Variants in EXD1 observed in about 807,000 individuals in gnomAD.
The protein encoded by EXD1 is exonuclease 3'-5' domain containing 1.
EXD1 carries 63 observed loss-of-function variants against 49.1 expected under a neutral mutation model. That is an observed-to-expected ratio of 1.28 (90% CI 1.05 to 1.58). The LOEUF (loss-of-function observed/expected upper bound fraction) is 1.58, where lower values mean the gene tolerates loss of function less well. Among genes scored for constraint, EXD1 ranks in the 40% most tolerant of loss-of-function variants. The pLI, the probability that EXD1 is intolerant of heterozygous loss-of-function variation, is 0.00. For missense variants in EXD1, 748 were observed against 666.0 expected (o/e 1.12, Z -1.36); for synonymous variants, 234 against 239.2 (o/e 0.98, Z 0.20).
chr15:41,186,240 G>A (rs58214159), intron 11 of EXD1, among the ~76,000 whole-genome samples: 39,463 of 151,896 alleles, frequency 0.26, 6,737 homozygotes, highest in African/African-American at 0.48. Flanking sequence ...GGGAGGCTGA[G>A]GTGGGTGGAT....
intron 2 of EXD1, among the ~76,000 whole-genome samples, chr15:41,223,831 C>T (rs575153818): frequency 3.6e-4 from 55 of 151,872 alleles, no homozygotes; most frequent in African/African-American, 1.1e-3. Context: ...CACCACTGCA[C>T]TCCAGCCTGG....
At chr15:41,200,307 G>T (rs967664041) in intron 7 of EXD1, among the ~76,000 whole-genome samples, 2 of 152,126 alleles carry the variant, frequency 1.3e-5, no homozygotes, top group Non-Finnish European at 2.9e-5. Context: ...TGGATCACCT[G>T]AGGTCAGCTG....
rs144370871 is a variant in EXD1, at chr15:41,197,481, G to A, written c.535-1444C>T. Among the ~76,000 whole-genome samples, 422 of 150,652 alleles carry A rather than the reference G, an allele frequency of 2.8e-3. 3 individuals are homozygous for A. Among genetic ancestry groups the A allele is most frequent in the Non-Finnish European group, 3.3e-3 (225 of 67,676 alleles). ...CGATCTCCTGACCTCCACCCATCTC[G>A]GCCTCCCAAAGCGCTGGGATTACAG... On this transcript the variant is annotated intron_variant, in intron 7 of 11. Transcript: ENST00000458580.
intron 6 of EXD1, among the ~76,000 whole-genome samples, chr15:41,212,224 C>T (rs2046931044): frequency 6.6e-6 from 1 of 151,706 alleles, no homozygotes; most frequent in Non-Finnish European, 1.5e-5. Flanking sequence ...CTGAGGCGGG[C>T]AGATCACGAG....
intron 11 of EXD1, among the ~76,000 whole-genome samples, chr15:41,188,015 C>T (rs1429163348): frequency 1.9e-4 from 21 of 111,650 alleles, no homozygotes; most frequent in East Asian, 8.3e-4. Flanking sequence ...AACCCCGTCT[C>T]AAAAAAAAAA....
intron 11 of EXD1, among the ~76,000 whole-genome samples, chr15:41,185,094 T>A (rs1029485739): frequency 6.6e-6 from 1 of 152,184 alleles, no homozygotes; most frequent in Non-Finnish European, 1.5e-5. Context: ...AGGCAGTGAA[T>A]CCATAGGGCT....
intron 3 of EXD1, among the ~76,000 whole-genome samples, chr15:41,218,921 T>C (rs2047045742): frequency 6.6e-6 from 1 of 152,182 alleles, no homozygotes; most frequent in Admixed American, 6.6e-5. Flanking sequence ...AAGCAATCTT[T>C]CAAGCAGTAG....
chr15:41,230,233 G>A (rs751213195), intron 1 of EXD1, among the ~76,000 whole-genome samples: 3 of 151,682 alleles, frequency 2.0e-5, no homozygotes, highest in African/African-American at 2.4e-5. Context: ...ACAGGCACGC[G>A]GCACCACACC....
At chr15:41,193,170 G>C (rs1426029686) in intron 9 of EXD1, among the ~76,000 whole-genome samples, 4 of 151,878 alleles carry the variant, frequency 2.6e-5, no homozygotes, top group Non-Finnish European at 5.9e-5. Context: ...CTCCTGTCTC[G>C]GCCTCCCAAA....
intron 9 of EXD1, among the ~76,000 whole-genome samples, chr15:41,194,024 T>A: frequency 6.8e-6 from 1 of 146,272 alleles, no homozygotes; most frequent in African/African-American, 2.5e-5. Context: ...TTTTTTTTTT[T>A]TTGGTGAGAC....
At chr15:41,184,777 C>G (rs2046382417) in intron 11 of EXD1, among the ~76,000 whole-genome samples, 184 bp from the exon 12 acceptor site, 1 of 151,988 alleles carries the variant, frequency 6.6e-6, no homozygotes, top group Non-Finnish European at 1.5e-5. Context: ...GCCTCAGCCT[C>G]CCAAGTAGCT....
At chr15:41,210,927 A>G (rs2046912166) in intron 6 of EXD1, among the ~76,000 whole-genome samples, 1 of 152,194 alleles carries the variant, frequency 6.6e-6, no homozygotes, top group Non-Finnish European at 1.5e-5. Flanking sequence ...TCTCTCATCA[A>G]TGATGAGAAA....
intron 7 of EXD1, among the ~76,000 whole-genome samples, chr15:41,199,353 G>A (rs1255809275): frequency 6.6e-6 from 1 of 150,912 alleles, no homozygotes; most frequent in African/African-American, 2.4e-5. Context: ...CTCTCAAAGT[G>A]CTGGGATTAC....
intron 7 of EXD1, among the ~76,000 whole-genome samples, chr15:41,198,736 G>A (rs951107897): frequency 3.3e-5 from 5 of 149,934 alleles, no homozygotes; most frequent in African/African-American, 4.9e-5. Context: ...ACAGAGTTTC[G>A]TTCTTGTTGC....
chr15:41,192,859 G>C (rs1392689931), intron 9 of EXD1, among the ~76,000 whole-genome samples: 7 of 142,730 alleles, frequency 4.9e-5, no homozygotes, highest in African/African-American at 7.9e-5. Context: ...GCTGTGGCGC[G>C]ATCTCGGCTC....
chr15:41,189,564 G>C (rs948579934), intron 11 of EXD1, among the ~76,000 whole-genome samples: 1 of 151,900 alleles, frequency 6.6e-6, no homozygotes, highest in Non-Finnish European at 1.5e-5. Context: ...TCAGGAGGCT[G>C]AGGCAGGAGA....
intron 6 of EXD1, among the ~76,000 whole-genome samples, chr15:41,212,257 G>A (rs996807361): frequency 1.3e-5 from 2 of 151,932 alleles, no homozygotes; most frequent in Non-Finnish European, 2.9e-5. Flanking sequence ...AGAACACCCT[G>A]GCTAACACGG....
At chr15:41,219,988 A>G (rs2047061884) in intron 2 of EXD1, 90 bp from the exon 3 acceptor site, 2 of 905,428 alleles carry the variant, frequency 2.2e-6, no homozygotes, top group Admixed American at 3.1e-5. Context: ...CCCAAGTCTG[A>G]GTTGTATTTA....
At chr15:41,225,702 CTG>C (rs2047153118) in intron 2 of EXD1, among the ~76,000 whole-genome samples, 1 of 151,414 alleles carries the variant, frequency 6.6e-6, no homozygotes, top group African/African-American at 2.4e-5. Flanking sequence ...GGCCAACAGG[CTG>C]TGTTTTTGTA....
Sources: gnomAD v4.1 joint callset for allele counts (sites outside exome capture counted in the v4.1 genomes callset) on GRCh38, gnomAD v4.1.1 for gene constraint, MANE v1.5 for transcripts, NCBI Gene and HGNC (gene_info 2026-07-23, HGNC 2026-07-21) for gene names.